Variants in MICAL1 observed in about 807,000 individuals in gnomAD.
MICAL1 encodes the protein microtubule associated monooxygenase, calponin and LIM domain containing 1.
MICAL1 carries 95 observed loss-of-function variants against 131.8 expected under a neutral mutation model. The ratio of observed to expected loss-of-function variants is 0.72; its 90% CI spans 0.61 to 0.86. The LOEUF is 0.86. MICAL1 is among the 40% of genes least tolerant of loss of function. The probability of loss-of-function intolerance (pLI) is 0.00; values close to 1 mark genes in which losing one functional copy is unlikely to be tolerated. For synonymous variants in MICAL1, 546 were observed against 554.2 expected (o/e 0.99, Z 0.21); for missense variants, 1,292 against 1,380.6 (o/e 0.94, Z 1.02).
At chr6:109,446,525 G>T in intron 18 of MICAL1, 113 bp from the exon 19 acceptor site, 1 of 1,437,302 alleles carries the variant, frequency 7.0e-7, no homozygotes, top group Non-Finnish European at 9.7e-7. Flanking sequence ...GTCTGGCTGT[G>T]TTTTAGATAC....
chr6:109,445,164 G>T (rs962151034), intron 22 of MICAL1, 33 bp downstream of exon 22: 1 of 1,609,950 alleles, frequency 6.2e-7, no homozygotes. Context: ...CACAGTGCTA[G>T]AAGGCAGAGG....
upstream of MICAL1, among the ~76,000 whole-genome samples, chr6:109,459,517 TG>T (rs1429495037): frequency 6.6e-6 from 1 of 152,208 alleles, no homozygotes; most frequent in African/African-American, 2.4e-5. Context: ...TCTCTTGGCT[TG>T]GAGTGGGTAA....
intron 7 of MICAL1, 116 bp from the exon 8 acceptor site, chr6:109,450,673 G>T: frequency 1.7e-6 from 2 of 1,169,576 alleles, no homozygotes; most frequent in Non-Finnish European, 2.3e-6. Context: ...GGAAGGGGCT[G>T]CCCTAGACTA....
At chr6:109,460,523 T>TACACACACACACACACACACACACACAC (rs113472586), upstream of MICAL1, among the ~76,000 whole-genome samples, 1 of 147,678 alleles carries the variant, frequency 6.8e-6, no homozygotes, top group African/African-American at 2.5e-5. Flanking sequence ...TATATATAAA[T>TACACACACACACACACACACACACACAC]ACACACACAC....
chr6:109,452,236 G>A lies in MICAL1; in HGVS notation c.832+10C>T. 6.2e-7 allele frequency: 1 copy of A among 1,605,208 alleles called. No individual in the cohort carries two copies. The highest frequency in any genetic ancestry group is 8.5e-7 in the Non-Finnish European group (1 of 1,174,338). Reference sequence around the variant, plus strand: ...AGGGGGAGGGGAAATTCAGCAAGAGGGTCCCTGACCTGTGGCTTTGAGAAG... The same window carrying A: ...AGGGGGAGGGGAAATTCAGCAAGAGAGTCCCTGACCTGTGGCTTTGAGAAG... On this transcript the variant is annotated intron_variant, in intron 6 of 24. Transcript: ENST00000358807.
At chr6:109,449,009 G>A in intron 11 of MICAL1, 130 bp from the exon 12 acceptor site, 1 of 1,228,622 alleles carries the variant, frequency 8.1e-7, no homozygotes, top group Non-Finnish European at 1.1e-6. Context: ...TAGGGCACCA[G>A]CCTAAAGCTG....
At chr6:109,446,575 C>A in intron 18 of MICAL1, 121 bp downstream of exon 18, 1 of 1,353,226 alleles carries the variant, frequency 7.4e-7, no homozygotes, top group East Asian at 2.4e-5. Context: ...GCATCCCTGC[C>A]TTCACAGAGC....
chr6:109,461,128 C>T (rs553837199), intron 1 of MICAL1, among the ~76,000 whole-genome samples: 29 of 149,166 alleles, frequency 1.9e-4, no homozygotes, highest in Non-Finnish European at 3.7e-4. Flanking sequence ...ATGACAGGCC[C>T]TGGTATGTGA....
intron 19 of MICAL1, 122 bp from the exon 20 acceptor site, chr6:109,445,984 T>C: frequency 6.7e-7 from 1 of 1,490,682 alleles, no homozygotes; most frequent in East Asian, 2.4e-5. Flanking sequence ...TGTTGGGGCA[T>C]GGGAGGAACT....
chr6:109,461,330 G>C (rs1399379819), intron 1 of MICAL1, among the ~76,000 whole-genome samples: 6 of 152,104 alleles, frequency 3.9e-5, no homozygotes, highest in African/African-American at 1.4e-4. Flanking sequence ...TGGTGTATAT[G>C]TGCCACATTT....
At position 109,444,758 on chromosome 6, in the gene MICAL1, C is replaced by G; in HGVS notation, c.3022G>C (p.Asp1008His). 1.9e-6 allele frequency: 3 copies of G among 1,614,130 alleles called. No homozygotes were observed. The highest frequency in any genetic ancestry group is 2.5e-6 in the Non-Finnish European group (3 of 1,180,030). Residue 1008 changes from aspartate to histidine, a missense_variant, in exon 24 of 25, where the codon GAC becomes CAC. Coordinates refer to ENST00000358807, the MANE Select transcript of MICAL1 (RefSeq NM_022765.4). The part of the protein sequence containing the change: ...LNLEEKQWQL[D>H]QELRGYMNRE... ...TTCATGTAGCCTCGTAGCTCCTGGTCCAGCTGCCACTGTTTCTCCTCCAGA... is the reference window on the plus strand; with the variant it reads ...TTCATGTAGCCTCGTAGCTCCTGGTGCAGCTGCCACTGTTTCTCCTCCAGA...
chr6:109,445,480 G>C lies in MICAL1; in HGVS notation c.2723C>G (p.Thr908Arg). Reference protein sequence around the residue: ...KTSGTMNNYPTWRRTLLRRAK... With the variant: ...KTSGTMNNYPRWRRTLLRRAK... The stretch of plus-strand genomic sequence containing the variant: ...ACGGCGCAGCAGAGTCCGACGCCAT[G>C]TTGGGTAGTTATTCATGGTGCCTGA... The change falls in exon 21 of 25, where the codon ACA becomes AGA. Residue 908 changes from threonine (T) to arginine (R), a missense_variant. Transcript: ENST00000358807. 6.2e-7 allele frequency: 1 copy of C among 1,614,108 alleles called. No individual in the cohort carries two copies. The highest frequency in any genetic ancestry group is 1.1e-5 in the South Asian group (1 of 91,088).
upstream of MICAL1, among the ~76,000 whole-genome samples, chr6:109,459,632 T>G (rs1389493477): frequency 2.0e-5 from 3 of 152,172 alleles, no homozygotes; most frequent in Non-Finnish European, 2.9e-5. Flanking sequence ...AAAGCACAAT[T>G]ATGATTTCAT....
Position 109,454,213 on chromosome 6 carries a change from G to T in MICAL1, c.-17C>A. 1 of 1,582,962 alleles carries T rather than the reference G, an allele frequency of 6.3e-7. No homozygotes were observed. The highest frequency in any genetic ancestry group is 8.6e-7 in the Non-Finnish European group (1 of 1,164,496). Reference sequence around the variant, plus strand: ...TGAAGCCATGGAGGCCTCCTGGGGAGGGCAGCAGCTGGGCAGAGATGAGTG... The same window carrying T: ...TGAAGCCATGGAGGCCTCCTGGGGATGGCAGCAGCTGGGCAGAGATGAGTG... On this transcript the variant is annotated 5_prime_UTR_variant, in exon 2 of 25. Transcript: ENST00000358807.
chr6:109,452,656 G>A (rs1455553676), intron 4 of MICAL1, 41 bp from the exon 5 acceptor site: 9 of 1,500,818 alleles, frequency 6.0e-6, no homozygotes, highest in Middle Eastern at 2.3e-4. Context: ...TGTAGAAGTC[G>A]TAAGAGCCCC....
At position 109,445,301 on chromosome 6, in the gene MICAL1, C is replaced by T. The variant is rs186318850; in HGVS notation, c.2788-11G>A. On this transcript the variant is annotated splice_polypyrimidine_tract_variant and intron_variant, in intron 21 of 24. Coordinates refer to ENST00000358807, the MANE Select transcript of MICAL1 (RefSeq NM_022765.4). Reference sequence around the variant, plus strand: ...TCGCCGTTGGATGGTCTGAGGGGTACAAGACAGAATATCCAGGAGTCTCTA... The same window carrying T: ...TCGCCGTTGGATGGTCTGAGGGGTATAAGACAGAATATCCAGGAGTCTCTA... 1,286 of 1,614,026 alleles carry T rather than the reference C, an allele frequency of 8.0e-4. 8 individuals carry two copies. The highest frequency in any genetic ancestry group is 1.3e-4 in the Non-Finnish European group (149 of 1,180,004).
intron 8 of MICAL1, 91 bp from the exon 9 acceptor site, chr6:109,450,176 G>A: frequency 6.4e-7 from 1 of 1,559,892 alleles, no homozygotes; most frequent in Non-Finnish European, 8.7e-7. Flanking sequence ...AGCAGAAGGG[G>A]CCATCCCCAC....
In MICAL1 at chr6:109,450,441, C is replaced by A; in HGVS notation, c.1050G>T (p.Glu350Asp). The change falls in exon 8 of 25, where the codon GAG (glutamate) becomes GAT (aspartate). Residue 350 changes from glutamate to aspartate, a missense_variant. Coordinates refer to ENST00000358807, the MANE Select transcript of MICAL1 (RefSeq NM_022765.4). ...GCTGCCCATGGGCATCCTGGGCAAACTCTAGTTTCCCGAGCTTGCCATGGG... is the reference window on the plus strand; with the variant it reads ...GCTGCCCATGGGCATCCTGGGCAAAATCTAGTTTCCCGAGCTTGCCATGGG... ...FATHGKLGKL[E>D]FAQDAHGQPD... The A allele has an allele frequency of 6.2e-7, 1 of 1,613,572 alleles. No individual in the cohort carries two copies. Among genetic ancestry groups the A allele is most frequent in the Non-Finnish European group, 8.5e-7 (1 of 1,180,016 alleles).
rs747450142 is a variant in MICAL1 at position 109,450,317 on chromosome 6, C to A, written c.1174G>T (p.Gly392Trp). ...HGARLLLGLVGDCLVEPFWPL... is the reference protein window; with the variant it reads ...HGARLLLGLVWDCLVEPFWPL... ...CCCCTCACCTCCACCAGGCAGTCCC[C>A]CACCAGTCCCAGCAGCAGGCGGGCG... Residue 392 changes from glycine (G) to tryptophan (W), a missense_variant, in exon 8 of 25, where the codon GGG becomes TGG. By Grantham distance (184) the Gly-to-Trp change is radical (BLOSUM62 -2). Coordinates refer to ENST00000358807, the MANE Select transcript of MICAL1 (RefSeq NM_022765.4). 6.2e-7 allele frequency: 1 copy of A among 1,608,204 alleles called. No homozygotes were observed. Among genetic ancestry groups the A allele is most frequent in the East Asian group, 2.2e-5 (1 of 44,714 alleles).
Sources: allele counts gnomAD v4.1 joint callset (sites outside exome capture counted in the v4.1 genomes callset), GRCh38; gene constraint gnomAD v4.1.1; transcripts MANE v1.5; gene names NCBI Gene and HGNC (gene_info 2026-07-23, HGNC 2026-07-21).